Variants in CFAP46 observed in about 807,000 individuals in gnomAD.
CFAP46 encodes the protein cilia- and flagella-associated protein 46.
Under a neutral mutation model 325.7 loss-of-function variants are expected in CFAP46, and 245 were observed. That is an observed-to-expected ratio of 0.75 (90% CI 0.68 to 0.84). The LOEUF (loss-of-function observed/expected upper bound fraction) is 0.84, where lower values mean the gene tolerates loss of function less well. Among genes scored for constraint, CFAP46 ranks in the 40% least tolerant of loss-of-function variants. The pLI is 0.00. For synonymous variants in CFAP46, 1,523 were observed against 1,495.9 expected (o/e 1.02, Z -0.42); for missense variants, 3,346 against 3,543.0 (o/e 0.94, Z 1.41).
rs34347971 is a variant in CFAP46, at chr10:132,919,605, A to G, written c.1731-163T>C. On this transcript the variant is annotated intron_variant, in intron 14 of 57. Transcript: ENST00000368586. The surrounding 1 kb of genome is among the most constrained non-coding windows in gnomAD (Gnocchi z 9.7). ...GCGCTGGGTACGGCCTGGCGGGTGC[A>G]TGTCCCAGGGTCGGGCGCAGCTCTC... Among the ~76,000 whole-genome samples, 63,520 of 151,932 alleles carry G rather than the reference A, an allele frequency of 0.42. 13,483 individuals carry two copies. The highest frequency in any genetic ancestry group is 0.5 in the Admixed American group (7,701 of 15,288).
At chr10:132,841,237 C>T (rs1848341081) in intron 44 of CFAP46, among the ~76,000 whole-genome samples, 2 of 152,252 alleles carry the variant, frequency 1.3e-5, no homozygotes, top group South Asian at 4.1e-4. Context: ...TTCTCTACTT[C>T]CGACATACAG....
intron 22 of CFAP46, among the ~76,000 whole-genome samples, chr10:132,899,934 C>A (rs769976256): frequency 1.1e-4 from 16 of 152,174 alleles, no homozygotes; most frequent in Non-Finnish European, 2.1e-4. Context: ...CCGGAGACAG[C>A]CGCCCTGGGA....
intron 39 of CFAP46, 75 bp from the exon 40 acceptor site, chr10:132,851,380 G>A (rs992901478): frequency 2.1e-6 from 3 of 1,423,232 alleles, no homozygotes; most frequent in Non-Finnish European, 2.9e-6. Flanking sequence ...CAACTTGGAT[G>A]AGGCATAACC....
chr10:132,898,832 C>T lies in CFAP46; in HGVS notation c.3219+127G>A, dbSNP rs926610899. On this transcript the variant is annotated intron_variant, in intron 24 of 57. Coordinates refer to ENST00000368586, the MANE Select transcript of CFAP46 (RefSeq NM_001200049.3). ...CCCCTTAACCCCCTCCCCTCCTCGGCTGGTGCTGGTGCACCCTCTGGGAGG... is the reference window on the plus strand; with the variant it reads ...CCCCTTAACCCCCTCCCCTCCTCGGTTGGTGCTGGTGCACCCTCTGGGAGG... 3 of 1,284,680 alleles carry T rather than the reference C, an allele frequency of 2.3e-6. No individual in the cohort carries two copies. The African/African-American group carries it at 4.4e-5, about 19-fold the overall frequency. The allele number at this position is 1,284,680 out of a possible 1,614,324, so 79.6% of individuals were successfully genotyped here.
At chr10:132,821,312 T>C (rs1317430623) in intron 50 of CFAP46, among the ~76,000 whole-genome samples, 1 of 139,404 alleles carries the variant, frequency 7.2e-6, no homozygotes, top group Non-Finnish European at 1.5e-5. Flanking sequence ...CTGTGTGTTG[T>C]GTGTGCTGTG....
At position 132,846,981 on chromosome 10, in the gene CFAP46, A is replaced by G; in HGVS notation, c.6218T>C (p.Val2073Ala). 2 of 1,611,026 alleles carry G rather than the reference A, an allele frequency of 1.2e-6. No individual in the cohort carries two copies. Among genetic ancestry groups the G allele is most frequent in the Non-Finnish European group, 1.7e-6 (2 of 1,179,778 alleles). The change falls in exon 43 of 58, where the codon GTC (valine) becomes GCC (alanine). Residue 2073 changes from valine (V) to alanine (A), a missense_variant. Transcript: ENST00000368586. ...GGTAGTTGCAGGGTCCAGGGTGCCG[A>G]CACACTCCACCATCTCCAGGCTGGC... Reference protein sequence around the residue: ...AAASLEMVECVGTLDPATTCQ... With the variant: ...AAASLEMVECAGTLDPATTCQ...
At chr10:132,927,486 A>G in intron 9 of CFAP46, among the ~76,000 whole-genome samples, 1 of 152,102 alleles carries the variant, frequency 6.6e-6, no homozygotes, top group South Asian at 2.1e-4. Context: ...GCTGCACCGC[A>G]GTCCTGCATG....
chr10:132,928,568 G>T (rs890128000), intron 9 of CFAP46, among the ~76,000 whole-genome samples: 1 of 152,158 alleles, frequency 6.6e-6, no homozygotes. Flanking sequence ...GGCTCCCCCC[G>T]TGCTGAGCCA....
Position 132,857,611 on chromosome 10 carries a change from C to G in CFAP46, c.5553G>C (p.Gln1851His). 1 of 1,614,034 alleles carries G rather than the reference C, an allele frequency of 6.2e-7. No homozygotes were observed. Among genetic ancestry groups the G allele is most frequent in the Non-Finnish European group, 8.5e-7 (1 of 1,180,010 alleles). The stretch of plus-strand genomic sequence containing the variant: ...TTACGTCTTGAAGTGACAATAGGCC[C>G]TGGACGCTGTGAAGCCTCCCTTCTT... ...AEEEGRLHSV[Q>H]GLLSLQDLQN... The change falls in exon 39 of 58, where the codon CAG (glutamine) becomes CAC (histidine). Residue 1851 changes from glutamine to histidine, a missense_variant. Transcript: ENST00000368586.
intron 50 of CFAP46, among the ~76,000 whole-genome samples, chr10:132,822,770 CTGTGTGTGCACTTGTGTGTGCTG>C (rs1847898772): frequency 8.1e-6 from 1 of 124,022 alleles, no homozygotes; most frequent in Non-Finnish European, 1.6e-5. Context: ...CTGATGTGTG[CTGTGTGTGCACTTGTGTGTGCTG>C]TGTGTGTGCT....
Position 132,932,314 on chromosome 10 carries a change from C to T in CFAP46, c.866+2438G>A, listed in dbSNP as rs373844978. ...CACACAGAGCCTGGGCCTCCCTCCT[C>T]TCCACACAGAGCCTGGGCCTCCCCA... On this transcript the variant is annotated intron_variant, in intron 8 of 57. Transcript: ENST00000368586. 6.1e-3 allele frequency among the ~76,000 whole-genome samples: 886 copies of T among 145,416 alleles called. 11 individuals are homozygous for T. The highest frequency in any genetic ancestry group is 0.022 in the African/African-American group (840 of 39,054).
At position 132,886,151 on chromosome 10, in the gene CFAP46, G is replaced by A. The variant is rs1431838929; in HGVS notation, c.3305-192C>T. Among the ~76,000 whole-genome samples, 1 of 152,190 alleles carries A rather than the reference G, an allele frequency of 6.6e-6. No individual in the cohort carries two copies. The highest frequency in any genetic ancestry group is 1.5e-5 in the Non-Finnish European group (1 of 68,024). On this transcript the variant is annotated intron_variant, in intron 25 of 57. Transcript: ENST00000368586. The surrounding 1 kb of genome is among the most constrained non-coding windows in gnomAD (Gnocchi z 5.8). Reference sequence around the variant, plus strand: ...CCTGCATGGCCCCTCCAGCCCCACAGTGGCCACCCGGGATGCCCTTTCCGT... The same window carrying A: ...CCTGCATGGCCCCTCCAGCCCCACAATGGCCACCCGGGATGCCCTTTCCGT...
intron 9 of CFAP46, among the ~76,000 whole-genome samples, chr10:132,927,816 T>C (rs1849835090): frequency 1.3e-5 from 2 of 152,234 alleles, no homozygotes; most frequent in Non-Finnish European, 2.9e-5. Flanking sequence ...TCCTTAACAT[T>C]AGTGAGCTTT....
intron 2 of CFAP46, 25 bp from the exon 3 acceptor site, chr10:132,941,747 G>C (rs1450665702): frequency 6.2e-7 from 1 of 1,613,424 alleles, no homozygotes; most frequent in East Asian, 2.2e-5. Context: ...CACCACAGAA[G>C]ATCACAGACC....
rs1420029361 is a variant in CFAP46, at chr10:132,889,757, TC to T, written c.3304+2575del. On this transcript the variant is annotated intron_variant, in intron 25 of 57. Transcript: ENST00000368586. The surrounding 1 kb of genome is among the most constrained non-coding windows in gnomAD (Gnocchi z 6.0). ...CGGAGGCCGTCAGCTCCATGGTGCC[TC>T]CGGGTGGGTGAGGGCCGTGGACTGT... Among the ~76,000 whole-genome samples the T allele has an allele frequency of 6.6e-6, 1 of 152,114 alleles. No homozygotes were observed. Among genetic ancestry groups the T allele is most frequent in the Non-Finnish European group, 1.5e-5 (1 of 68,028 alleles).
At position 132,847,163 on chromosome 10, in the gene CFAP46, G is replaced by T. The variant is rs769228639; in HGVS notation, c.6087+24C>A. 6.2e-7 allele frequency: 1 copy of T among 1,608,180 alleles called. No individual in the cohort carries two copies. The highest frequency in any genetic ancestry group is 1.3e-5 in the African/African-American group (1 of 74,914). On this transcript the variant is annotated intron_variant, in intron 42 of 57. Coordinates refer to ENST00000368586, the MANE Select transcript of CFAP46 (RefSeq NM_001200049.3). This position sits in a 1 kb window ranked among gnomAD's most constrained non-coding sequence, Gnocchi z 5.2. ...GCCAGGCTCCGGGCAGAGGCCACACGAGGGGCAGGAGGGGCAGCCGCACCT... is the reference window on the plus strand; with the variant it reads ...GCCAGGCTCCGGGCAGAGGCCACACTAGGGGCAGGAGGGGCAGCCGCACCT...
rs1349960371 is a variant in CFAP46 at position 132,877,816 on chromosome 10, G to A, written c.4212+65C>T. ...GGGGCTCCTCCGAGAACCCTGACAGGCAGGGAAACTGAGGCACAGGCCATC... is the reference window on the plus strand; with the variant it reads ...GGGGCTCCTCCGAGAACCCTGACAGACAGGGAAACTGAGGCACAGGCCATC... On this transcript the variant is annotated intron_variant, in intron 30 of 57. Transcript: ENST00000368586. The surrounding 1 kb of genome is among the most constrained non-coding windows in gnomAD (Gnocchi z 5.7). 2.0e-6 allele frequency: 3 copies of A among 1,513,798 alleles called. No individual in the cohort carries two copies. The highest frequency in any genetic ancestry group is 2.6e-5 in the East Asian group (1 of 38,232). The allele number at this position is 1,513,798 out of a possible 1,614,324, so 93.8% of individuals were successfully genotyped here.
intron 13 of CFAP46, among the ~76,000 whole-genome samples, chr10:132,921,091 G>A (rs1257836082): frequency 1.3e-5 from 2 of 152,224 alleles, no homozygotes; most frequent in African/African-American, 4.8e-5. Flanking sequence ...GACCCACCCT[G>A]CGTCTGCCCA....
At position 132,877,677 on chromosome 10, in the gene CFAP46, AGC is replaced by A. The variant is rs1263238963; in HGVS notation, c.4212+202_4212+203del. Among the ~76,000 whole-genome samples the A allele has an allele frequency of 2.0e-5, 3 of 151,812 alleles. No individual in the cohort carries two copies. Among genetic ancestry groups the A allele is most frequent in the African/African-American group, 4.8e-5 (2 of 41,290 alleles). On this transcript the variant is annotated intron_variant, in intron 30 of 57. Coordinates refer to ENST00000368586, the MANE Select transcript of CFAP46 (RefSeq NM_001200049.3). The surrounding 1 kb of genome is among the most constrained non-coding windows in gnomAD (Gnocchi z 5.7). ...GGAGAGAAACTGAGGCACAGAGGCC[AGC>A]CGGGGCCCAGCCTCTGCACTGAGGC...
Sources: allele counts gnomAD v4.1 joint callset (sites outside exome capture counted in the v4.1 genomes callset), GRCh38; gene constraint gnomAD v4.1.1; non-coding constraint Gnocchi (gnomAD v3.1); transcripts MANE v1.5; gene names NCBI Gene and HGNC (gene_info 2026-07-23, HGNC 2026-07-21).